ANKRD11: variants seen among roughly 807,000 people sequenced by gnomAD.
ANKRD11 encodes ankyrin repeat domain-containing protein 11.
In ANKRD11, 17 loss-of-function variants were observed where a neutral mutation model predicts 195.7. The ratio of observed to expected loss-of-function variants is 0.09; its 90% CI spans 0.06 to 0.13. ANKRD11 has a LOEUF of 0.13. ANKRD11 is among the 10% of genes least tolerant of loss of function. The pLI is 1.00. For missense variants in ANKRD11, 3,735 were observed against 3,566.1 expected (o/e 1.05, Z -1.21); for synonymous variants, 1,953 against 1,528.1 (o/e 1.28, Z -6.49).
rs763414376 is a variant in ANKRD11, at chr16:89,284,816, C to T, written c.1726G>A (p.Glu576Lys). Residue 576 changes from glutamate to lysine, a missense_variant, in exon 9 of 13, where the codon GAG becomes AAG. Transcript: ENST00000301030. ...GAGCCCTCAGAGGAGTAGTCAGACT[C>T]GCTTGTCAGTCTCGTCCTTGTGGAG... ...SDSTRTRLTS[E>K]SDYSSEGSSV... 3.7e-6 allele frequency: 6 copies of T among 1,613,724 alleles called. No individual in the cohort carries two copies. The highest frequency in any genetic ancestry group is 4.2e-6 in the Non-Finnish European group (5 of 1,180,046).
intron 12 of ANKRD11, among the ~76,000 whole-genome samples, chr16:89,269,354 C>G (rs1221482461): frequency 5.3e-5 from 8 of 152,128 alleles, no homozygotes; most frequent in Non-Finnish European, 1.2e-4. Flanking sequence ...TGTTGGCGAG[C>G]TGCAGTGTGA....
chr16:89,418,405 T>C (rs2042385527), intron 1 of ANKRD11, 37 bp from the exon 2 acceptor site: 1 of 424,266 alleles, frequency 2.4e-6, no homozygotes, highest in South Asian at 1.6e-5. Context: ...ATGTCAATAA[T>C]AATTTCAGCC....
chr16:89,278,909 T>A, intron 9 of ANKRD11, 163 bp downstream of exon 9: 2 of 1,213,244 alleles, frequency 1.6e-6, no homozygotes, highest in Non-Finnish European at 2.4e-6. Flanking sequence ...TTCCGGCTTT[T>A]GCCTCCACAG....
Position 89,285,468 on chromosome 16 carries a change from A to G in ANKRD11, c.1074T>C (p.Val358=), listed in dbSNP as rs1453010315. Residue 358 remains valine, a synonymous_variant, in exon 9 of 13, where the codon GTT becomes GTC. Coordinates refer to ENST00000301030, the MANE Select transcript of ANKRD11 (RefSeq NM_013275.6). This position sits in a 1 kb window ranked among gnomAD's most constrained non-coding sequence, Gnocchi z 5.6. ...ATAGGTGCTTGTCGTCCACCGGAGG[A>G]ACCCTGTCCTGCTCGTCGTCCTCAT... The part of the protein sequence containing the change: ...EFDEDDEQDR[V]PPVDDKHLLK... 6.2e-7 allele frequency: 1 copy of G among 1,613,910 alleles called. No homozygotes were observed. Among genetic ancestry groups the G allele is most frequent in the Non-Finnish European group, 8.5e-7 (1 of 1,179,930 alleles).
At position 89,268,450 on chromosome 16, in the gene ANKRD11, G is replaced by A; in HGVS notation, c.*28C>T. On this transcript the variant is annotated 3_prime_UTR_variant, in exon 13 of 13. Coordinates refer to ENST00000301030, the MANE Select transcript of ANKRD11 (RefSeq NM_013275.6). ...AGTCCTGGGCAGCCGTGCGGCCCTCGCCTGCGTCCTGCGGCCGTCCCGCGG... is the reference window on the plus strand; with the variant it reads ...AGTCCTGGGCAGCCGTGCGGCCCTCACCTGCGTCCTGCGGCCGTCCCGCGG... The A allele has an allele frequency of 2.9e-6, 3 of 1,043,652 alleles. No individual in the cohort carries two copies. The highest frequency in any genetic ancestry group is 3.0e-5 in the South Asian group (2 of 67,694). The allele number at this position is 1,043,652 out of a possible 1,614,324, so 64.6% of individuals were successfully genotyped here. A position where few individuals can be genotyped will look rare whatever the true frequency, so the allele number is the denominator to read the frequency against.
At chr16:89,378,393 G>A (rs894265237) in intron 2 of ANKRD11, among the ~76,000 whole-genome samples, 2 of 152,138 alleles carry the variant, frequency 1.3e-5, no homozygotes, top group African/African-American at 2.4e-5. Flanking sequence ...TTTCATCAAC[G>A]TGTATGTCAA....
chr16:89,295,700 C>A (rs534268761), intron 4 of ANKRD11, among the ~76,000 whole-genome samples: 2 of 150,950 alleles, frequency 1.3e-5, no homozygotes, highest in Admixed American at 6.6e-5. Flanking sequence ...CCGAGGCAAA[C>A]GGCGGTGGCA....
chr16:89,388,044 T>C (rs2041001747), intron 2 of ANKRD11, among the ~76,000 whole-genome samples: 1 of 151,508 alleles, frequency 6.6e-6, no homozygotes, highest in South Asian at 2.1e-4. Flanking sequence ...TGCTCATCTG[T>C]TAGGTTCCTT....
chr16:89,484,968 G>T (rs1035571942), intron 1 of ANKRD11, among the ~76,000 whole-genome samples: 7 of 152,144 alleles, frequency 4.6e-5, no homozygotes, highest in Admixed American at 3.3e-4. Flanking sequence ...CCACAAGGAC[G>T]CTGTAACTGA....
chr16:89,460,102 G>T (rs1361556955), intron 1 of ANKRD11, among the ~76,000 whole-genome samples: 1 of 151,960 alleles, frequency 6.6e-6, no homozygotes, highest in Admixed American at 6.6e-5. Flanking sequence ...GCTGGGCGTG[G>T]TGGTGTGCGC....
chr16:89,451,889 G>T (rs1302542224), intron 1 of ANKRD11, among the ~76,000 whole-genome samples: 1 of 152,116 alleles, frequency 6.6e-6, no homozygotes, highest in South Asian at 2.1e-4. Flanking sequence ...AAAGTTTAGG[G>T]TACAAGCTGA....
Position 89,291,866 on chromosome 16 carries a change from C to G in ANKRD11, c.227-683G>C. 4 of 865,274 alleles carry G rather than the reference C, an allele frequency of 4.6e-6. No homozygotes were observed. The highest frequency in any genetic ancestry group is 6.6e-6 in the Non-Finnish European group (4 of 603,020). The allele number at this position is 865,274 out of a possible 1,614,324, so 53.6% of individuals were successfully genotyped here. On this transcript the variant is annotated intron_variant, in intron 4 of 12. Transcript: ENST00000301030. The surrounding 1 kb of genome is among the most constrained non-coding windows in gnomAD (Gnocchi z 5.3). The stretch of plus-strand genomic sequence containing the variant: ...GCCTCCTCGTAACAAGCACACCCTG[C>G]ACTCATCTGACCCGTTACAGAACAC...
intron 4 of ANKRD11, among the ~76,000 whole-genome samples, chr16:89,293,530 T>A (rs1227294204): frequency 1.3e-5 from 1 of 75,936 alleles, no homozygotes; most frequent in South Asian, 4.4e-4. Flanking sequence ...GGCGGGGTGG[T>A]GTTGGGGCTG....
At chr16:89,486,439 C>T (rs2057617320) in intron 1 of ANKRD11, among the ~76,000 whole-genome samples, 1 of 149,550 alleles carries the variant, frequency 6.7e-6, no homozygotes, top group African/African-American at 2.5e-5. Flanking sequence ...CACACCGAGA[C>T]CCTGCCTCAA....
At chr16:89,381,254 C>T (rs1265936645) in intron 2 of ANKRD11, among the ~76,000 whole-genome samples, 3 of 149,978 alleles carry the variant, frequency 2.0e-5, no homozygotes, top group Non-Finnish European at 4.4e-5. Context: ...ATTGCTTGAA[C>T]CCGGGAGGCG....
intron 4 of ANKRD11, among the ~76,000 whole-genome samples, chr16:89,295,108 C>A (rs569376614): frequency 6.6e-6 from 1 of 152,230 alleles, no homozygotes; most frequent in Non-Finnish European, 1.5e-5. Context: ...TACAGCACCA[C>A]AGACAGATGT....
intron 4 of ANKRD11, chr16:89,299,645 G>A (rs1388358417): frequency 2.4e-5 from 4 of 170,198 alleles, no homozygotes; most frequent in Non-Finnish European, 4.6e-5. Context: ...TGCCCTGTGT[G>A]AGGTGCCTGC....
At chr16:89,371,625 C>T (rs1429179327) in intron 2 of ANKRD11, among the ~76,000 whole-genome samples, 3 of 152,302 alleles carry the variant, frequency 2.0e-5, no homozygotes, top group African/African-American at 2.4e-5. Flanking sequence ...TCCCTGCCCA[C>T]ATGACGACAC....
chr16:89,355,316 C>T (rs1044959305), intron 2 of ANKRD11, among the ~76,000 whole-genome samples: 1 of 152,156 alleles, frequency 6.6e-6, no homozygotes, highest in Non-Finnish European at 1.5e-5. Flanking sequence ...ACGGCTCACA[C>T]AGACCCACAA....
Sources: gnomAD v4.1 joint callset for allele counts (sites outside exome capture counted in the v4.1 genomes callset) on GRCh38, gnomAD v4.1.1 for gene constraint, Gnocchi (gnomAD v3.1) non-coding constraint, MANE v1.5 for transcripts, NCBI Gene and HGNC (gene_info 2026-07-23, HGNC 2026-07-21) for gene names.